The following KIF13B variants were observed in gnomAD, a reference collection of about 807,000 sequenced individuals.
The protein encoded by KIF13B is kinesin family member 13B.
Under a neutral mutation model 222.0 loss-of-function variants are expected in KIF13B, and 127 were observed. That is an observed-to-expected ratio of 0.57 (90% CI 0.50 to 0.66). The LOEUF (loss-of-function observed/expected upper bound fraction) is 0.66, where lower values mean the gene tolerates loss of function less well. Among genes scored for constraint, KIF13B ranks in the 30% least tolerant of loss-of-function variants. The pLI is 0.00. For missense variants in KIF13B, 2,173 were observed against 2,379.0 expected, an observed-to-expected ratio of 0.91 and a Z score of 1.80; for synonymous variants, 976 against 919.0, an observed-to-expected ratio of 1.06 and a Z score of -1.12.
intron 22 of KIF13B, among the ~76,000 whole-genome samples, chr8:29,132,794 C>A (rs563316421): frequency 2.6e-5 from 4 of 152,162 alleles, no homozygotes; most frequent in South Asian, 2.1e-4. Context: ...CAACACTGAT[C>A]TATAATGTGT....
Position 29,092,876 on chromosome 8 carries a change from G to A in KIF13B, c.4327C>T (p.Leu1443Phe), listed in dbSNP as rs765258742. The A allele has an allele frequency of 6.2e-7, 1 of 1,607,448 alleles. No homozygotes were observed. Among genetic ancestry groups the A allele is most frequent in the South Asian group, 1.1e-5 (1 of 89,776 alleles). The change falls in exon 37 of 40, where the codon CTC becomes TTC. Residue 1443 changes from leucine to phenylalanine, a missense_variant and splice_region_variant. By Grantham distance (22) the Leu-to-Phe change is conservative. Transcript: ENST00000524189. ...PQNNHSPDPG[L>F]SNLAASYLNP... ...AAGTAGGATGCTGCAAGGTTACTGA[G>A]TCCTGCCCATATTACAGGGGAAAAA...
At chr8:29,150,682 A>G (rs1586846725) in intron 14 of KIF13B, among the ~76,000 whole-genome samples, 2 of 152,188 alleles carry the variant, frequency 1.3e-5, no homozygotes, top group African/African-American at 4.8e-5. Flanking sequence ...TACTTTTCAA[A>G]CAGCACGTGC....
chr8:29,112,604 TTCTCCAACCCCGAGGAAGTGAAA>T (rs1285058561), intron 32 of KIF13B, among the ~76,000 whole-genome samples: 1 of 152,140 alleles, frequency 6.6e-6, no homozygotes, highest in Non-Finnish European at 1.5e-5. Context: ...ACACCCCCAC[TTCTCCAACCCCGAGGAAGTGAAA>T]TCTCCACCCC....
At chr8:29,151,123 T>C (rs1811279294) in intron 14 of KIF13B, among the ~76,000 whole-genome samples, 1 of 152,180 alleles carries the variant, frequency 6.6e-6, no homozygotes. Context: ...TTCCTGCTGA[T>C]ATGGAGAAAG....
rs561412809 is a variant in KIF13B at position 29,142,917 on chromosome 8, G to A, written c.2188-614C>T. 2.1e-4 allele frequency among the ~76,000 whole-genome samples: 32 copies of A among 152,176 alleles called. No homozygotes were observed. The South Asian group carries it at 5.8e-3, about 28-fold the overall frequency. On this transcript the variant is annotated intron_variant, in intron 18 of 39. Transcript: ENST00000524189. ...CACCCAGGCTGGAGTGCAGTGGCAC[G>A]TCATAGCTCACTGCAGCCTCGAACT...
At chr8:29,129,124 T>C (rs1228216075) in intron 24 of KIF13B, among the ~76,000 whole-genome samples, 1 of 152,224 alleles carries the variant, frequency 6.6e-6, no homozygotes, top group Non-Finnish European at 1.5e-5. Context: ...ATTTTTTCAA[T>C]ATGAAGGTAA....
intron 2 of KIF13B, among the ~76,000 whole-genome samples, chr8:29,210,396 A>G (rs1010182537): frequency 1.3e-5 from 2 of 152,236 alleles, no homozygotes; most frequent in African/African-American, 4.8e-5. Context: ...CTGATTGTCC[A>G]GGCACACCAG....
At position 29,180,120 on chromosome 8, in the gene KIF13B, TAG is replaced by T; in HGVS notation, c.702_703del (p.Tyr235ArgfsTer23). 2 of 1,613,950 alleles carry T rather than the reference TAG, an allele frequency of 1.2e-6. No homozygotes were observed. The highest frequency in any genetic ancestry group is 1.7e-6 in the Non-Finnish European group (2 of 1,179,850). On this transcript the variant is annotated frameshift_variant, in exon 8 of 40. Transcript: ENST00000524189. LOFTEE classifies it high-confidence loss of function. ...AACACCTACCCCAGACTTCACATCG[TAG>T]AGAGTATGTGTGAGGGTGATTTTGA...
chr8:29,093,572 C>T (rs1455086156), intron 36 of KIF13B, among the ~76,000 whole-genome samples: 1 of 152,078 alleles, frequency 6.6e-6, no homozygotes, highest in Non-Finnish European at 1.5e-5. Context: ...TAGAAATGAA[C>T]AAGCAAGTCA....
At chr8:29,114,896 C>T (rs1207804267) in intron 31 of KIF13B, among the ~76,000 whole-genome samples, 2 of 152,166 alleles carry the variant, frequency 1.3e-5, no homozygotes, top group African/African-American at 2.4e-5. Flanking sequence ...AATGGAAAAT[C>T]GCTCTTCAAA....
At chr8:29,105,255 G>A (rs533013319) in intron 35 of KIF13B, among the ~76,000 whole-genome samples, 32 of 151,820 alleles carry the variant, frequency 2.1e-4, no homozygotes, top group African/African-American at 7.3e-4. Context: ...ACAAGCATGA[G>A]CCACCGCGCC....
rs373106447 is a variant in KIF13B, at chr8:29,142,752, T to C, written c.2188-449A>G. 4.9e-4 allele frequency among the ~76,000 whole-genome samples: 74 copies of C among 152,156 alleles called. No homozygotes were observed. The East Asian group carries it at 7.4e-3, about 15-fold the overall frequency. ...TACTTGGGAGGCTGAAGCACAAGAA[T>C]TGCTTGAACCCAGGAGGCAGAGGTT... On this transcript the variant is annotated intron_variant, in intron 18 of 39. Coordinates refer to ENST00000524189, the MANE Select transcript of KIF13B (RefSeq NM_015254.4).
At chr8:29,240,877 G>A (rs1438994194) in intron 2 of KIF13B, among the ~76,000 whole-genome samples, 7 of 152,122 alleles carry the variant, frequency 4.6e-5, no homozygotes, top group South Asian at 2.1e-4. Context: ...AAAACGGTGC[G>A]GCAGCTTTGG....
intron 2 of KIF13B, among the ~76,000 whole-genome samples, chr8:29,212,943 T>C (rs900428714): frequency 2.0e-5 from 3 of 151,684 alleles, no homozygotes; most frequent in African/African-American, 7.3e-5. Context: ...ATGGATGTAA[T>C]AGTCCCAAGC....
chr8:29,169,476 G>A (rs1327369749), intron 10 of KIF13B, among the ~76,000 whole-genome samples: 1 of 152,132 alleles, frequency 6.6e-6, no homozygotes, highest in Non-Finnish European at 1.5e-5. Context: ...AAATTATCTT[G>A]CCCTAGTTTC....
chr8:29,086,075 C>T (rs748770145), intron 37 of KIF13B, among the ~76,000 whole-genome samples: 1 of 152,086 alleles, frequency 6.6e-6, no homozygotes, highest in Non-Finnish European at 1.5e-5. Context: ...ATAAATAACT[C>T]CTTTAATCCT....
Position 29,118,943 on chromosome 8 carries a change from T to A in KIF13B, c.3585A>T (p.Gly1195=), listed in dbSNP as rs762397569. 1 of 1,613,756 alleles carries A rather than the reference T, an allele frequency of 6.2e-7. No homozygotes were observed. The highest frequency in any genetic ancestry group is 8.5e-7 in the Non-Finnish European group (1 of 1,179,824). ...QDNLDDPEAG[G]WDATLTGEEE... ...CTTCCCCAGTCAAGGTCGCATCCCATCCACCAGCTTCTGGGTCATCAAGAT... is the reference window on the plus strand; with the variant it reads ...CTTCCCCAGTCAAGGTCGCATCCCAACCACCAGCTTCTGGGTCATCAAGAT... The change falls in exon 30 of 40, where the codon GGA becomes GGT. Residue 1195 remains glycine, a synonymous_variant. Coordinates refer to ENST00000524189, the MANE Select transcript of KIF13B (RefSeq NM_015254.4).
intron 10 of KIF13B, among the ~76,000 whole-genome samples, chr8:29,173,809 C>T (rs181335060): frequency 1.2e-3 from 183 of 151,396 alleles, no homozygotes; most frequent in African/African-American, 4.0e-3. Context: ...CCAGGTGTGG[C>T]GGTGCGCACC....
rs373781326 is a variant in KIF13B, at chr8:29,092,787, G to T, written c.4416C>A (p.Arg1472=). The T allele has an allele frequency of 1.1e-5, 18 of 1,613,452 alleles. No homozygotes were observed. The highest frequency in any genetic ancestry group is 1.5e-5 in the Non-Finnish European group (18 of 1,179,702). The change falls in exon 37 of 40, where the codon CGC becomes CGA. Residue 1472 remains arginine (R), a synonymous_variant. Transcript: ENST00000524189. ...ACGGCCGCTTGCCCCTCTTCTCATC[G>T]CGGACGGGAAAGAGAGACTTGAGGA... The part of the protein sequence containing the change: ...PKLLKSLFPV[R]DEKRGKRPSP...
Sources: gnomAD v4.1 joint callset for allele counts (sites outside exome capture counted in the v4.1 genomes callset) on GRCh38, gnomAD v4.1.1 for gene constraint, MANE v1.5 for transcripts, NCBI Gene and HGNC (gene_info 2026-07-23, HGNC 2026-07-21) for gene names.